The following TULP4 variants were observed in gnomAD, a reference collection of about 807,000 sequenced individuals.
TULP4 encodes tubby-related protein 4.
In TULP4, 16 loss-of-function variants were observed where a neutral mutation model predicts 129.0. That is an observed-to-expected ratio of 0.12 (90% confidence interval 0.08 to 0.19). The LOEUF is 0.19. Ranked by LOEUF, TULP4 falls within the 10% of genes least tolerant of loss-of-function variation. TULP4 has a pLI of 1.00. For synonymous variants in TULP4, 998 were observed against 854.0 expected, an observed-to-expected ratio of 1.17 and a Z score of -2.94; for missense variants, 1,842 against 2,059.1, an observed-to-expected ratio of 0.89 and a Z score of 2.04.
Position 158,237,422 on chromosome 6 carries a change from G to C in TULP4, n.68+5119G>C, listed in dbSNP as rs1015120983. On this transcript the variant is annotated intron_variant and non_coding_transcript_variant, in intron 1 of 1. Transcript: ENST00000620026. ...GCCCCTGCAGGTCTCTGGTGTCTTG[G>C]GGGTATGATGTTACTTGTAGAGGCA... 32 of 1,595,880 alleles carry C rather than the reference G, an allele frequency of 2.0e-5. 1 individual carries two copies. The East Asian group carries it at 2.7e-4, about 13-fold the overall frequency.
At chr6:158,292,296 C>CT (rs1238102842) in intron 1 of TULP4, among the ~76,000 whole-genome samples, 1 of 152,178 alleles carries the variant, frequency 6.6e-6, no homozygotes, top group Admixed American at 6.5e-5. Context: ...GGATGTGGGA[C>CT]TTTCATTGCT....
At chr6:158,305,500 G>A (rs1779204447) in intron 1 of TULP4, among the ~76,000 whole-genome samples, 1 of 151,438 alleles carries the variant, frequency 6.6e-6, no homozygotes, top group Non-Finnish European at 1.5e-5. Flanking sequence ...AGGAGTTTGA[G>A]ACCAGCCTGG....
intron 1 of TULP4, among the ~76,000 whole-genome samples, chr6:158,248,057 A>G (rs1445213216): frequency 6.6e-6 from 1 of 152,242 alleles, no homozygotes; most frequent in Non-Finnish European, 1.5e-5. Context: ...GCCAAAGCTG[A>G]CATTTTCGGC....
intron 2 of TULP4, among the ~76,000 whole-genome samples, chr6:158,427,470 C>CTTTTTTTTTTTTTTTTTTTT (rs1251385882): frequency 3.0e-5 from 3 of 100,676 alleles, no homozygotes; most frequent in Non-Finnish European, 3.9e-5. Flanking sequence ...AATTATCAGA[C>CTTTTTTTTTTTTTTTTTTTT]CTTTTTTTTT....
intron 1 of TULP4, among the ~76,000 whole-genome samples, chr6:158,385,560 GT>G (rs1311159187): frequency 6.6e-6 from 1 of 151,870 alleles, no homozygotes; most frequent in Non-Finnish European, 1.5e-5. Context: ...GTGTCAAGGG[GT>G]TGTGAGGATT....
At chr6:158,318,830 A>T (rs1779554579) in intron 1 of TULP4, among the ~76,000 whole-genome samples, 2 of 151,556 alleles carry the variant, frequency 1.3e-5, no homozygotes, top group Non-Finnish European at 2.9e-5. Flanking sequence ...GGTTTGAGTG[A>T]TCTTCCCACC....
chr6:158,506,872 G>T lies in TULP4; in HGVS notation c.*178G>T. On this transcript the variant is annotated 3_prime_UTR_variant, in exon 14 of 14. Coordinates refer to ENST00000367097, the MANE Select transcript of TULP4 (RefSeq NM_020245.5). ...CCTGTGGTCGTCATTTATTTGGTTG[G>T]GTTTTATTACCTTTTATTGTCTGTT... is the stretch of plus-strand genomic sequence containing the variant. 1 of 587,266 alleles carries T rather than the reference G, an allele frequency of 1.7e-6. No individual in the cohort carries two copies. Among genetic ancestry groups the T allele is most frequent in the Non-Finnish European group, 3.0e-6 (1 of 329,480 alleles). The allele number at this position is 587,266 out of a possible 1,614,324, so 36.4% of individuals were successfully genotyped here. A position where few individuals can be genotyped will look rare whatever the true frequency, so the allele number is the denominator to read the frequency against.
intron 3 of TULP4, among the ~76,000 whole-genome samples, chr6:158,443,271 C>G (rs547266923): frequency 3.9e-5 from 6 of 151,954 alleles, no homozygotes; most frequent in African/African-American, 1.5e-4. Flanking sequence ...CGTGAGCCAC[C>G]GCACCCAGCC....
At chr6:158,411,557 A>G (rs192964806) in intron 1 of TULP4, among the ~76,000 whole-genome samples, 77 of 152,338 alleles carry the variant, frequency 5.1e-4, no homozygotes, top group Admixed American at 3.5e-3. Flanking sequence ...GCAGTTTTAA[A>G]AAAGAGCTAT....
intron 13 of TULP4, among the ~76,000 whole-genome samples, chr6:158,505,312 G>A (rs2128267003): frequency 7.6e-6 from 1 of 131,108 alleles, no homozygotes; most frequent in South Asian, 2.7e-4. Context: ...CCTGCCGTGT[G>A]CCTGGCAATC....
intron 1 of TULP4, among the ~76,000 whole-genome samples, chr6:158,293,686 G>C (rs149038410): frequency 1.3e-3 from 192 of 152,226 alleles, no homozygotes; most frequent in African/African-American, 4.5e-3. Context: ...CAAGTCAATG[G>C]GAAAATGATT....
In TULP4 at chr6:158,331,771, G is replaced by GTATATATATATATATA. The variant is rs553636109; in HGVS notation, c.252+17511_252+17512insTATATATATATATATA. ...TGTATATACACGTGTATATATACACGTATATATACACACACACATACCTAC... is the reference window on the plus strand; with the variant it reads ...TGTATATACACGTGTATATATACACGTATATATATATATATATATATATACACACACACATACCTAC... On this transcript the variant is annotated intron_variant, in intron 1 of 13. Coordinates refer to ENST00000367097, the MANE Select transcript of TULP4 (RefSeq NM_020245.5). Among the ~76,000 whole-genome samples, 49 of 30,798 alleles carry GTATATATATATATATA rather than the reference G, an allele frequency of 1.6e-3. 4 individuals carry two copies. The highest frequency in any genetic ancestry group is 1.9e-3 in the Non-Finnish European group (36 of 18,850). The allele number at this position is 30,798 out of a possible 152,430, so 20.2% of individuals were successfully genotyped here. A position where few individuals can be genotyped will look rare whatever the true frequency, so the allele number is the denominator to read the frequency against.
At chr6:158,305,079 C>T (rs1779193900) in intron 1 of TULP4, among the ~76,000 whole-genome samples, 1 of 152,074 alleles carries the variant, frequency 6.6e-6, no homozygotes, top group African/African-American at 2.4e-5. Context: ...AAACTCTATA[C>T]CCATTAAACA....
chr6:158,232,786 C>G (rs1412353040), intron 1 of TULP4, among the ~76,000 whole-genome samples: 1 of 152,200 alleles, frequency 6.6e-6, no homozygotes, highest in African/African-American at 2.4e-5. Context: ...CGCGCCGCCA[C>G]CTCCCCTGCC....
At chr6:158,368,187 G>T (rs758013808) in intron 1 of TULP4, among the ~76,000 whole-genome samples, 13 of 151,422 alleles carry the variant, frequency 8.6e-5, no homozygotes, top group Non-Finnish European at 1.8e-4. Context: ...GTCTGTAAAA[G>T]ATTATCATTA....
In TULP4 at chr6:158,498,817, G is replaced by A; in HGVS notation, c.2014+5G>A. 1 of 1,613,900 alleles carries A rather than the reference G, an allele frequency of 6.2e-7. No homozygotes were observed. Among genetic ancestry groups the A allele is most frequent in the Non-Finnish European group, 8.5e-7 (1 of 1,179,798 alleles). On this transcript the variant is annotated splice_donor_5th_base_variant and intron_variant, in intron 12 of 13. Transcript: ENST00000367097. ...AAGATGAAGATGATTTACCAGGTGTGTTCACATACATCAACGTGTTTGTCA... is the reference window on the plus strand; with the variant it reads ...AAGATGAAGATGATTTACCAGGTGTATTCACATACATCAACGTGTTTGTCA...
chr6:158,303,317 A>G (rs1193624542), intron 1 of TULP4, among the ~76,000 whole-genome samples: 1 of 151,956 alleles, frequency 6.6e-6, no homozygotes, highest in East Asian at 1.9e-4. Context: ...AAAGAGAGGA[A>G]TTTTACAGCT....
rs368745126 is a variant in TULP4, at chr6:158,508,323, A to T, written c.*1629A>T. 2.6e-5 allele frequency: 4 copies of T among 152,232 alleles called. No individual in the cohort carries two copies. Among genetic ancestry groups the T allele is most frequent in the African/African-American group, 9.7e-5 (4 of 41,446 alleles). 9.4% of individuals were successfully genotyped at this position (152,232 alleles called of 1,614,324 possible). A position where few individuals can be genotyped will look rare whatever the true frequency, so the allele number is the denominator to read the frequency against. ...GAAACAGACAAGTAGAAGATGCTAC[A>T]GAAAAGTATTTTCAAATTTAAACGT... On this transcript the variant is annotated 3_prime_UTR_variant, in exon 14 of 14. Coordinates refer to ENST00000367097, the MANE Select transcript of TULP4 (RefSeq NM_020245.5).
chr6:158,452,558 T>G (rs1042021910), intron 5 of TULP4, among the ~76,000 whole-genome samples: 1 of 152,226 alleles, frequency 6.6e-6, no homozygotes, highest in Non-Finnish European at 1.5e-5. Flanking sequence ...ACAGGTATGT[T>G]TGCATCTGGC....
Sources: gnomAD v4.1 joint callset for allele counts (sites outside exome capture counted in the v4.1 genomes callset) on GRCh38, gnomAD v4.1.1 for gene constraint, MANE v1.5 for transcripts, NCBI Gene and HGNC (gene_info 2026-07-23, HGNC 2026-07-21) for gene names.